EML4: variants seen among roughly 807,000 people sequenced by gnomAD.
EML4 encodes EMAP like 4, also known as echinoderm microtubule-associated protein-like 4.
EML4 carries 72 observed loss-of-function variants against 129.0 expected under a neutral mutation model. That is an observed-to-expected ratio of 0.56 (90% confidence interval 0.46 to 0.68). The LOEUF (loss-of-function observed/expected upper bound fraction) is 0.68. EML4 is among the 30% of genes least tolerant of loss of function. EML4 has a pLI of 0.00. For synonymous variants in EML4, 532 were observed against 405.0 expected (o/e 1.31, Z -3.77); for missense variants, 1,363 against 1,190.6 (o/e 1.14, Z -2.13).
intron 1 of EML4, among the ~76,000 whole-genome samples, chr2:42,212,751 TC>T (rs1672959228): frequency 6.6e-6 from 1 of 152,182 alleles, no homozygotes; most frequent in Admixed American, 6.5e-5. Context: ...CCAGTGTTTC[TC>T]CCAGGGCACC....
intron 16 of EML4, among the ~76,000 whole-genome samples, chr2:42,303,867 G>A (rs993469496): frequency 5.3e-5 from 8 of 152,232 alleles, no homozygotes; most frequent in African/African-American, 1.7e-4. Context: ...GGAGCTTGCA[G>A]TGAGCCGAGA....
chr2:42,184,744 G>A (rs62144747), intron 1 of EML4, among the ~76,000 whole-genome samples: 1 of 152,040 alleles, frequency 6.6e-6, no homozygotes, highest in East Asian at 1.9e-4. Context: ...CTGAAATCTA[G>A]CACATTTGAT....
chr2:42,294,465 G>T (rs1667832602), intron 11 of EML4, among the ~76,000 whole-genome samples: 1 of 152,216 alleles, frequency 6.6e-6, no homozygotes, highest in African/African-American at 2.4e-5. Context: ...GGAGGCTGAG[G>T]TGGGCGGATG....
rs1317380614 is a variant in EML4, at chr2:42,280,851, A to T, written c.669A>T (p.Glu223Asp). ...AACTTTTGTCTTGTGTTTCAACAGA[A>T]GGAGAATATATTAAAATGTTTATGC... Reference protein sequence around the residue: ...DKHKDVIINQEGEYIKMFMRG... With the variant: ...DKHKDVIINQDGEYIKMFMRG... The change falls in exon 7 of 23, where the codon GAA (glutamate) becomes GAT (aspartate). Residue 223 changes from glutamate (E) to aspartate (D), a missense_variant and splice_region_variant. Coordinates refer to ENST00000318522, the MANE Select transcript of EML4 (RefSeq NM_019063.5). 6.2e-7 allele frequency: 1 copy of T among 1,604,486 alleles called. No homozygotes were observed. The highest frequency in any genetic ancestry group is 1.1e-5 in the South Asian group (1 of 88,982).
intron 4 of EML4, 130 bp downstream of exon 4, chr2:42,261,424 A>G (rs1179239847): frequency 2.9e-6 from 2 of 693,644 alleles, no homozygotes; most frequent in Admixed American, 2.8e-5. Flanking sequence ...TCCCTTCTTC[A>G]TTGCTTATAA....
chr2:42,299,804 T>G (rs559846091), intron 13 of EML4, among the ~76,000 whole-genome samples: 4 of 152,360 alleles, frequency 2.6e-5, no homozygotes, highest in African/African-American at 9.6e-5. Flanking sequence ...TTCTCCTGCC[T>G]CAGCCTCCCA....
intron 1 of EML4, among the ~76,000 whole-genome samples, chr2:42,207,651 G>T (rs984882825): frequency 5.9e-5 from 9 of 152,070 alleles, no homozygotes; most frequent in Admixed American, 2.0e-4. Context: ...GAACGTAAGT[G>T]GTCTTTATAC....
At chr2:42,182,400 T>C (rs950956957) in intron 1 of EML4, among the ~76,000 whole-genome samples, 2 of 148,540 alleles carry the variant, frequency 1.3e-5, no homozygotes, top group Admixed American at 6.7e-5. Context: ...GACATTCTCA[T>C]CCCACCAGGG....
At chr2:42,232,874 G>A (rs1190401584) in intron 1 of EML4, among the ~76,000 whole-genome samples, 5 of 152,066 alleles carry the variant, frequency 3.3e-5, no homozygotes, top group African/African-American at 1.2e-4. Context: ...ACAGGCGCCC[G>A]CCACAACGCG....
intron 1 of EML4, among the ~76,000 whole-genome samples, chr2:42,180,833 AT>A (rs1670893399): frequency 6.6e-6 from 1 of 152,214 alleles, no homozygotes. Context: ...TACATGTTGA[AT>A]TTAGTTTTCA....
chr2:42,264,722 A>G lies in EML4; in HGVS notation c.658A>G (p.Ile220Val). Residue 220 changes from isoleucine (I) to valine (V), a missense_variant, in exon 6 of 23, where the codon ATC becomes GTC. By Grantham distance (29) the Ile-to-Val change is conservative. Coordinates refer to ENST00000318522, the MANE Select transcript of EML4 (RefSeq NM_019063.5). ...KTADKHKDVIINQEGEYIKMF... is the reference protein window; with the variant it reads ...KTADKHKDVIVNQEGEYIKMF... ...CTTTTCTAGGCATAAAGATGTCATC[A>G]TCAACCAAGGTAAATTAAAAATCCT... The G allele has an allele frequency of 6.9e-7, 1 of 1,455,872 alleles. No homozygotes were observed. Among genetic ancestry groups the G allele is most frequent in the Non-Finnish European group, 9.5e-7 (1 of 1,048,470 alleles). The allele number at this position is 1,455,872 out of a possible 1,614,324, so 90.2% of individuals were successfully genotyped here.
chr2:42,223,113 G>T (rs1331342685), intron 1 of EML4, among the ~76,000 whole-genome samples: 6 of 151,958 alleles, frequency 3.9e-5, no homozygotes, highest in Admixed American at 6.6e-5. Context: ...CCAATATAAT[G>T]TATTTTTAAT....
chr2:42,316,150 T>C (rs1265677043), intron 18 of EML4, 100 bp downstream of exon 18: 3 of 739,748 alleles, frequency 4.1e-6, no homozygotes, highest in Non-Finnish European at 6.9e-6. Context: ...TTTTTCTCTC[T>C]TTAGAGTTGT....
chr2:42,315,626 T>A (rs1669204924), intron 17 of EML4, among the ~76,000 whole-genome samples: 2 of 152,196 alleles, frequency 1.3e-5, no homozygotes, highest in South Asian at 4.1e-4. Context: ...GTAATCTCAT[T>A]ACTTTGGGAG....
intron 19 of EML4, 72 bp from the exon 20 acceptor site, chr2:42,325,395 T>C (rs1304175410): frequency 4.7e-5 from 33 of 708,360 alleles, no homozygotes; most frequent in Non-Finnish European, 7.2e-5. Context: ...AGAAACAGTA[T>C]TGGCTAGCTG....
chr2:42,184,627 T>A (rs961502523), intron 1 of EML4, among the ~76,000 whole-genome samples: 3 of 152,136 alleles, frequency 2.0e-5, no homozygotes, highest in Admixed American at 6.5e-5. Context: ...TACCGTTATT[T>A]ATTCAATATC....
rs374569024 is a variant in EML4, at chr2:42,330,185, A to G, written c.2924A>G (p.Gln975Arg). The change falls in exon 23 of 23, where the codon CAA becomes CGA. Residue 975 changes from glutamine to arginine, a missense_variant. By Grantham distance (43) the Gln-to-Arg change is conservative (BLOSUM62 1). Coordinates refer to ENST00000318522, the MANE Select transcript of EML4 (RefSeq NM_019063.5). ...AAAGCCACCCTTCTGGAGGACCAGCAAGACCCTTCGCCCTCGTCCTAACAC... is the reference window on the plus strand; with the variant it reads ...AAAGCCACCCTTCTGGAGGACCAGCGAGACCCTTCGCCCTCGTCCTAACAC... Reference protein sequence around the residue: ...QAKATLLEDQQDPSPSS With the variant: ...QAKATLLEDQRDPSPSS 4.6e-5 allele frequency: 74 copies of G among 1,612,604 alleles called. No homozygotes were observed. The highest frequency in any genetic ancestry group is 3.3e-4 in the Middle Eastern group (2 of 6,084).
chr2:42,171,568 C>G (rs1290241296), intron 1 of EML4, among the ~76,000 whole-genome samples: 1 of 152,182 alleles, frequency 6.6e-6, no homozygotes, highest in East Asian at 1.9e-4. Context: ...GGGGCTCACA[C>G]TTTTCATAAA....
intron 1 of EML4, among the ~76,000 whole-genome samples, chr2:42,194,156 G>A (rs1184404413): frequency 6.6e-6 from 1 of 152,056 alleles, no homozygotes; most frequent in Non-Finnish European, 1.5e-5. Flanking sequence ...AATTTTTAAT[G>A]TGTAATGTTA....
Sources: allele counts gnomAD v4.1 joint callset (sites outside exome capture counted in the v4.1 genomes callset), GRCh38; gene constraint gnomAD v4.1.1; transcripts MANE v1.5; gene names NCBI Gene and HGNC (gene_info 2026-07-23, HGNC 2026-07-21).